The following MAPK10 variants were observed in gnomAD, a reference collection of about 807,000 sequenced individuals.
MAPK10 encodes the protein JNK3 alpha protein kinase.
A neutral mutation model predicts 59.3 loss-of-function variants in MAPK10; 25 were observed. That is an observed-to-expected ratio of 0.42 (90% CI 0.31 to 0.59). The LOEUF (loss-of-function observed/expected upper bound fraction) is 0.59. Ranked by LOEUF, MAPK10 falls within the 20% of genes least tolerant of loss-of-function variation. The pLI, the probability that MAPK10 is intolerant of heterozygous loss-of-function variation, is 0.15. For missense variants in MAPK10, 351 were observed against 568.9 expected (o/e 0.62, Z 3.90); for synonymous variants, 190 against 200.5 (o/e 0.95, Z 0.44).
At chr4:86,206,248 G>C (rs146222606) in intron 2 of MAPK10, among the ~76,000 whole-genome samples, 2 of 150,438 alleles carry the variant, frequency 1.3e-5, no homozygotes, top group South Asian at 2.1e-4. Context: ...TCCTGTGTCC[G>C]TGTGTTCGCA....
chr4:86,259,274 C>T (rs1433809968), intron 2 of MAPK10, among the ~76,000 whole-genome samples: 1 of 152,116 alleles, frequency 6.6e-6, no homozygotes, highest in Admixed American at 6.5e-5. Context: ...TATTTCCATT[C>T]CAAATCTTTC....
At chr4:86,555,776 T>C (rs921109615) in intron 1 of MAPK10, among the ~76,000 whole-genome samples, 6 of 152,028 alleles carry the variant, frequency 3.9e-5, no homozygotes, top group African/African-American at 1.5e-4. Context: ...GTGTAAGAAG[T>C]TGGGTAAAGG....
intron 1 of MAPK10, among the ~76,000 whole-genome samples, chr4:86,411,353 T>C (rs1376288254): frequency 6.6e-6 from 1 of 152,172 alleles, no homozygotes; most frequent in East Asian, 1.9e-4. Context: ...AAGTGCAATG[T>C]GGTGCTGAGA....
chr4:86,133,868 C>T (rs916590983), intron 4 of MAPK10, among the ~76,000 whole-genome samples: 5 of 152,044 alleles, frequency 3.3e-5, no homozygotes, highest in African/African-American at 9.7e-5. Flanking sequence ...CATTGGTAGT[C>T]CATAAATAAT....
chr4:86,147,903 T>C (rs1467102430), intron 4 of MAPK10, among the ~76,000 whole-genome samples: 1 of 152,216 alleles, frequency 6.6e-6, no homozygotes, highest in Non-Finnish European at 1.5e-5. Flanking sequence ...TAGCCTCCGT[T>C]ATTAGTACAT....
chr4:86,224,087 G>A (rs1238889827), intron 2 of MAPK10, among the ~76,000 whole-genome samples: 1 of 134,014 alleles, frequency 7.5e-6, no homozygotes, highest in East Asian at 1.9e-4. Flanking sequence ...AATATCAAAT[G>A]TAGGAATTGG....
intron 1 of MAPK10, among the ~76,000 whole-genome samples, chr4:86,584,290 T>G (rs1762511852): frequency 6.6e-6 from 1 of 152,110 alleles, no homozygotes; most frequent in Non-Finnish European, 1.5e-5. Flanking sequence ...ACAGAGGGTA[T>G]AAGCAGCAGC....
At chr4:86,438,021 TAA>T (rs1002529471) in intron 1 of MAPK10, among the ~76,000 whole-genome samples, 1 of 152,204 alleles carries the variant, frequency 6.6e-6, no homozygotes, top group African/African-American at 2.4e-5. Context: ...GCCACTTATA[TAA>T]AGTTCAGAAG....
chr4:86,583,566 T>C (rs1427419146), intron 1 of MAPK10, among the ~76,000 whole-genome samples: 1 of 152,184 alleles, frequency 6.6e-6, no homozygotes. Context: ...ATGTGTGGAA[T>C]TGCTGCAGTC....
intron 13 of MAPK10, among the ~76,000 whole-genome samples, chr4:86,021,951 A>G (rs1292093328): frequency 1.3e-5 from 2 of 152,162 alleles, no homozygotes; most frequent in African/African-American, 2.4e-5. Flanking sequence ...GCTGGCCCGC[A>G]AGCGCCGCAC....
At chr4:86,214,142 C>T (rs2086671089) in intron 2 of MAPK10, among the ~76,000 whole-genome samples, 1 of 151,974 alleles carries the variant, frequency 6.6e-6, no homozygotes, top group Non-Finnish European at 1.5e-5. Context: ...GTGATTATTT[C>T]AATTGATACA....
At chr4:86,466,028 A>G (rs1752168568) in intron 1 of MAPK10, among the ~76,000 whole-genome samples, 1 of 152,212 alleles carries the variant, frequency 6.6e-6, no homozygotes, top group African/African-American at 2.4e-5. Flanking sequence ...AATTATACTT[A>G]TTGGGCATAT....
rs1742058250 is a variant in MAPK10 at position 86,013,512 on chromosome 4, A to G, written c.*3716T>C. ...ATGCACTTAAGATGTGGCTTTTCAT[A>G]TGTTAAGAGATTCAAATCGAAATAG... is the stretch of plus-strand genomic sequence containing the variant. On this transcript the variant is annotated 3_prime_UTR_variant, in exon 14 of 14. Transcript: ENST00000641462. 1 of 152,232 alleles carries G rather than the reference A, an allele frequency of 6.6e-6. No homozygotes were observed. Among genetic ancestry groups the G allele is most frequent in the African/African-American group, 2.4e-5 (1 of 41,460 alleles). 9.4% of individuals were successfully genotyped at this position (152,232 alleles called of 1,614,324 possible). A position where few individuals can be genotyped will look rare whatever the true frequency, so the allele number is the denominator to read the frequency against.
intron 2 of MAPK10, among the ~76,000 whole-genome samples, chr4:86,233,305 G>A (rs978108533): frequency 2.0e-5 from 3 of 152,078 alleles, no homozygotes; most frequent in Non-Finnish European, 2.9e-5. Context: ...TAAGTATTCA[G>A]TGACGTCAGA....
intron 4 of MAPK10, among the ~76,000 whole-genome samples, chr4:86,132,725 C>T (rs139237358): frequency 6.6e-5 from 10 of 152,178 alleles, no homozygotes; most frequent in East Asian, 5.8e-4. Context: ...CTCATAGGAG[C>T]GTGCACCCTA....
chr4:86,314,977 A>G (rs548392935), intron 2 of MAPK10, among the ~76,000 whole-genome samples: 50 of 152,250 alleles, frequency 3.3e-4, no homozygotes, highest in African/African-American at 1.1e-3. Context: ...TGAACATTTT[A>G]AATGTTTTTA....
At chr4:86,098,737 GA>G in intron 8 of MAPK10, 142 bp from the exon 9 acceptor site, 1 of 679,776 alleles carries the variant, frequency 1.5e-6, no homozygotes, top group South Asian at 1.8e-5. Context: ...GCCAAAATGT[GA>G]ATTCAAACCA....
intron 6 of MAPK10, 32 bp from the exon 7 acceptor site, chr4:86,102,064 G>A (rs201689282): frequency 6.2e-7 from 1 of 1,604,160 alleles, no homozygotes; most frequent in Admixed American, 1.7e-5. Context: ...GTTAGTTCCA[G>A]ATCACAAGAT....
chr4:86,047,387 G>A (rs1267710588), intron 11 of MAPK10, among the ~76,000 whole-genome samples: 1 of 152,120 alleles, frequency 6.6e-6, no homozygotes, highest in Non-Finnish European at 1.5e-5. Flanking sequence ...ACAATGCAAA[G>A]ACCCTAAAGG....
Sources: gnomAD v4.1 joint callset for allele counts (sites outside exome capture counted in the v4.1 genomes callset) on GRCh38, gnomAD v4.1.1 for gene constraint, MANE v1.5 for transcripts, NCBI Gene and HGNC (gene_info 2026-07-23, HGNC 2026-07-21) for gene names.